Variants in PTPRD observed in about 807,000 individuals in gnomAD.
PTPRD encodes protein tyrosine phosphatase receptor type D, also known as receptor-type tyrosine-protein phosphatase delta.
A neutral mutation model predicts 214.5 loss-of-function variants in PTPRD; 34 were observed. The ratio of observed to expected loss-of-function variants is 0.16; its 90% confidence interval spans 0.12 to 0.21. The LOEUF (loss-of-function observed/expected upper bound fraction) is 0.21, where lower values mean the gene tolerates loss of function less well. Among genes scored for constraint, PTPRD ranks in the 10% least tolerant of loss-of-function variants. PTPRD has a pLI of 1.00. For missense variants in PTPRD, 2,545 were observed against 2,398.7 expected, an observed-to-expected ratio of 1.06 and a Z score of -1.27; for synonymous variants, 1,128 against 845.7, an observed-to-expected ratio of 1.33 and a Z score of -5.79.
chr9:8,767,329 C>T (rs927172930), intron 11 of PTPRD, among the ~76,000 whole-genome samples: 2 of 152,040 alleles, frequency 1.3e-5, no homozygotes, highest in African/African-American at 4.8e-5. Flanking sequence ...GTTGGCCAGG[C>T]TGGTCTCGAA....
chr9:10,562,576 T>C (rs1053277889), intron 2 of PTPRD, among the ~76,000 whole-genome samples: 3 of 152,174 alleles, frequency 2.0e-5, no homozygotes, highest in Non-Finnish European at 4.4e-5. Flanking sequence ...ATTATATTGA[T>C]ATCACATAAA....
intron 32 of PTPRD, among the ~76,000 whole-genome samples, chr9:8,464,079 C>T (rs1309588751): frequency 1.3e-5 from 2 of 151,878 alleles, no homozygotes; most frequent in Non-Finnish European, 2.9e-5. Context: ...AAGGGGCAGA[C>T]TCTTTATCAG....
intron 11 of PTPRD, among the ~76,000 whole-genome samples, chr9:8,771,096 G>T (rs900903384): frequency 6.6e-6 from 1 of 151,566 alleles, no homozygotes; most frequent in Non-Finnish European, 1.5e-5. Flanking sequence ...CAGGAGAATG[G>T]TGTGAACCTG....
At chr9:9,872,932 G>A (rs546114634) in intron 5 of PTPRD, among the ~76,000 whole-genome samples, 105 of 152,110 alleles carry the variant, frequency 6.9e-4, no homozygotes, top group South Asian at 2.3e-3. Flanking sequence ...TATTAAGTAT[G>A]GGCTTGATAA....
chr9:8,883,656 G>A (rs749549088), intron 11 of PTPRD, among the ~76,000 whole-genome samples: 11 of 152,186 alleles, frequency 7.2e-5, no homozygotes, highest in South Asian at 2.1e-4. Context: ...GGTCAGGAGT[G>A]TAAGCTTTCC....
chr9:10,388,025 C>T (rs934030171), intron 2 of PTPRD, among the ~76,000 whole-genome samples: 3 of 151,416 alleles, frequency 2.0e-5, no homozygotes, highest in Non-Finnish European at 4.4e-5. Flanking sequence ...ACACTGGGAA[C>T]TTCACTGATT....
chr9:9,819,028 T>C (rs2761752), intron 5 of PTPRD, among the ~76,000 whole-genome samples: 84,933 of 151,882 alleles, frequency 0.56, 26,686 homozygotes, highest in East Asian at 0.88. Flanking sequence ...TTCACCAACA[T>C]GTTTTACTTG....
intron 9 of PTPRD, among the ~76,000 whole-genome samples, chr9:9,285,352 C>A (rs1173123756): frequency 1.3e-5 from 2 of 151,756 alleles, no homozygotes; most frequent in Admixed American, 1.3e-4. Flanking sequence ...AATTGCTCTT[C>A]CTCTGACTTC....
intron 2 of PTPRD, among the ~76,000 whole-genome samples, chr9:10,345,487 C>T (rs975458300): frequency 2.1e-5 from 3 of 144,842 alleles, no homozygotes; most frequent in African/African-American, 7.5e-5. Context: ...CATTGTTCTA[C>T]TCCCACTTAT....
chr9:8,783,523 T>TA (rs1370237350), intron 11 of PTPRD, among the ~76,000 whole-genome samples: 1 of 152,192 alleles, frequency 6.6e-6, no homozygotes, highest in African/African-American at 2.4e-5. Context: ...GTTTTGCAGA[T>TA]AAAAAAGCCC....
At chr9:10,221,040 G>A (rs976949407) in intron 3 of PTPRD, among the ~76,000 whole-genome samples, 1 of 152,022 alleles carries the variant, frequency 6.6e-6, no homozygotes, top group African/African-American at 2.4e-5. Flanking sequence ...AGTTTTACTA[G>A]TGGTTTGAGA....
Position 8,858,830 on chromosome 9 carries a change from T to TACAC in PTPRD, c.-103-124888_-103-124885dup, listed in dbSNP as rs2098025573. Among the ~76,000 whole-genome samples the TACAC allele has an allele frequency of 7.4e-5, 5 of 67,258 alleles. No individual in the cohort carries two copies. The South Asian group carries it at 2.1e-3, about 28-fold the overall frequency. The allele number at this position is 67,258 out of a possible 152,430, so 44.1% of individuals were successfully genotyped here. On this transcript the variant is annotated intron_variant, in intron 11 of 45. Coordinates refer to ENST00000381196, the MANE Select transcript of PTPRD (RefSeq NM_002839.4). Reference sequence around the variant, plus strand: ...ACACACACACACACACACACACACATACACACACACAGACACACAGACACA... The same window carrying TACAC: ...ACACACACACACACACACACACACATACACACACACACACAGACACACAGACACA...
chr9:9,631,908 G>C lies in PTPRD; in HGVS notation c.-286-57127C>G, dbSNP rs529398541. Among the ~76,000 whole-genome samples the C allele has an allele frequency of 3.9e-5, 6 of 152,188 alleles. No homozygotes were observed. The South Asian group carries it at 1.0e-3, about 26-fold the overall frequency. On this transcript the variant is annotated intron_variant, in intron 7 of 45. Transcript: ENST00000381196. ...AGATAAATCATTACATGTCAATAAA[G>C]AATTAGTGCTGATACTAATTCTCTC...
chr9:8,322,783 T>G (rs554076918), intron 44 of PTPRD, among the ~76,000 whole-genome samples: 1 of 152,190 alleles, frequency 6.6e-6, no homozygotes, highest in Non-Finnish European at 1.5e-5. Context: ...TTGGAAGAAG[T>G]TGTCATCTAA....
intron 10 of PTPRD, among the ~76,000 whole-genome samples, chr9:9,176,610 GC>G (rs2099925044): frequency 6.6e-6 from 1 of 152,166 alleles, no homozygotes; most frequent in South Asian, 2.1e-4. Context: ...AGGTGAGTAA[GC>G]CATGAGGCCT....
chr9:10,087,831 T>C (rs182176549), intron 3 of PTPRD, among the ~76,000 whole-genome samples: 50 of 151,840 alleles, frequency 3.3e-4, no homozygotes, highest in Non-Finnish European at 6.3e-4. Context: ...CACGGTAACT[T>C]CTTTATCTAA....
At chr9:10,210,644 T>G (rs1452659738) in intron 3 of PTPRD, among the ~76,000 whole-genome samples, 2 of 150,326 alleles carry the variant, frequency 1.3e-5, no homozygotes, top group Non-Finnish European at 3.0e-5. Context: ...TATATATACA[T>G]ATATATACAC....
At chr9:8,465,758 A>G in intron 31 of PTPRD, 83 bp from the exon 32 acceptor site, 1 of 1,221,876 alleles carries the variant, frequency 8.2e-7, no homozygotes, top group East Asian at 2.5e-5. Context: ...AAATTAATTC[A>G]GAACTGGGAA....
intron 3 of PTPRD, among the ~76,000 whole-genome samples, chr9:10,292,432 C>T (rs2095553453): frequency 1.3e-5 from 2 of 151,958 alleles, no homozygotes; most frequent in Non-Finnish European, 2.9e-5. Flanking sequence ...CCTTCCAATA[C>T]CTTCTCATTT....
Sources: gnomAD v4.1 joint callset for allele counts (sites outside exome capture counted in the v4.1 genomes callset) on GRCh38, gnomAD v4.1.1 for gene constraint, MANE v1.5 for transcripts, NCBI Gene and HGNC (gene_info 2026-07-23, HGNC 2026-07-21) for gene names.